The following HCN1 variants were observed in gnomAD, a reference collection of about 807,000 sequenced individuals.
HCN1 encodes the protein potassium/sodium hyperpolarization-activated cyclic nucleotide-gated channel 1.
A neutral mutation model predicts 78.9 loss-of-function variants in HCN1; 13 were observed. The ratio of observed to expected loss-of-function variants is 0.16; its 90% CI spans 0.11 to 0.26. The LOEUF (loss-of-function observed/expected upper bound fraction) is 0.26. HCN1 is among the 10% of genes least tolerant of loss of function. The probability of loss-of-function intolerance (pLI) is 1.00; values close to 1 mark genes in which losing one functional copy is unlikely to be tolerated. For synonymous variants in HCN1, 552 were observed against 455.5 expected (o/e 1.21, Z -2.70); for missense variants, 810 against 1,154.3 (o/e 0.70, Z 4.32).
intron 6 of HCN1, among the ~76,000 whole-genome samples, chr5:45,287,121 T>A (rs1300426908): frequency 6.6e-6 from 1 of 151,448 alleles, no homozygotes; most frequent in African/African-American, 2.4e-5. Flanking sequence ...GTGTATGTGA[T>A]GTGTTTTATA....
rs1172330541 is a variant in HCN1, at chr5:45,689,748, T to G, written c.425+5921A>C. On this transcript the variant is annotated intron_variant, in intron 1 of 7. Transcript: ENST00000303230. ...TGAAGCTCATAGAAAGTTTGTCCAA[T>G]GTAGTCTAACAGTAATGGGAAGTTA... Among the ~76,000 whole-genome samples, 3 of 152,114 alleles carry G rather than the reference T, an allele frequency of 2.0e-5. No homozygotes were observed. In the East Asian group the frequency reaches 5.8e-4, roughly 29 times the overall value.
chr5:45,688,908 C>T (rs1263420167), intron 1 of HCN1, among the ~76,000 whole-genome samples: 5 of 151,984 alleles, frequency 3.3e-5, no homozygotes, highest in African/African-American at 1.2e-4. Context: ...CATGACTTCA[C>T]TGATATAAAA....
At chr5:45,266,314 T>G (rs966181456) in intron 7 of HCN1, among the ~76,000 whole-genome samples, 1 of 151,900 alleles carries the variant, frequency 6.6e-6, no homozygotes, top group African/African-American at 2.4e-5. Context: ...TCTGCTTGAG[T>G]CTATATTACA....
At chr5:45,426,689 T>C (rs1740354440) in intron 3 of HCN1, among the ~76,000 whole-genome samples, 2 of 152,164 alleles carry the variant, frequency 1.3e-5, no homozygotes, top group African/African-American at 2.4e-5. Context: ...TATGTGTTTA[T>C]TAGCAGCATG....
intron 5 of HCN1, among the ~76,000 whole-genome samples, chr5:45,314,383 G>A (rs146998409): frequency 0.018 from 2,698 of 152,180 alleles, 78 homozygotes; most frequent in African/African-American, 0.056. Flanking sequence ...GGAAAGGAAC[G>A]ACCGGTACCA....
Position 45,262,409 on chromosome 5 carries a change from G to A in HCN1, c.2185C>T (p.Leu729Phe), listed in dbSNP as rs1438575744. The change falls in exon 8 of 8, where the codon CTC (leucine) becomes TTC (phenylalanine). Residue 729 changes from leucine (L) to phenylalanine (F), a missense_variant. By Grantham distance (22) the Leu-to-Phe change is conservative. Transcript: ENST00000303230. ...YASPTASQLS[L>F]MQQQPQQQVQ... ...TGCTGCTGCGGCTGCTGTTGCATGAGTGACAGCTGGGAGGCGGTGGGGGAG... is the reference window on the plus strand; with the variant it reads ...TGCTGCTGCGGCTGCTGTTGCATGAATGACAGCTGGGAGGCGGTGGGGGAG... 5.0e-6 allele frequency: 8 copies of A among 1,611,592 alleles called. No individual in the cohort carries two copies. In the South Asian group the frequency reaches 8.8e-5, roughly 18 times the overall value.
chr5:45,274,594 T>C (rs1191872398), intron 6 of HCN1, among the ~76,000 whole-genome samples: 3 of 152,192 alleles, frequency 2.0e-5, no homozygotes, highest in Non-Finnish European at 4.4e-5. Flanking sequence ...CATTTCCTTG[T>C]ATTCTAATTT....
intron 2 of HCN1, among the ~76,000 whole-genome samples, chr5:45,605,780 G>GT (rs1221995206): frequency 1.3e-5 from 2 of 151,848 alleles, no homozygotes; most frequent in Admixed American, 6.6e-5. Flanking sequence ...AAGAGTAGAT[G>GT]TATCACTCTG....
chr5:45,445,033 G>A (rs1385764356), intron 3 of HCN1, among the ~76,000 whole-genome samples: 13 of 152,268 alleles, frequency 8.5e-5, no homozygotes, highest in African/African-American at 2.2e-4. Flanking sequence ...GACAGTGGGC[G>A]CAGGACAGTG....
intron 4 of HCN1, among the ~76,000 whole-genome samples, chr5:45,386,044 T>C (rs1449531552): frequency 2.0e-5 from 3 of 152,198 alleles, no homozygotes; most frequent in African/African-American, 7.2e-5. Context: ...ACCAGAGTCT[T>C]ATCTAAATCA....
intron 3 of HCN1, among the ~76,000 whole-genome samples, chr5:45,451,702 GA>G (rs1406076867): frequency 6.6e-6 from 1 of 151,510 alleles, no homozygotes; most frequent in African/African-American, 2.4e-5. Flanking sequence ...CTGACCTTAG[GA>G]AAAACACAAC....
chr5:45,615,272 T>G (rs534986874), intron 2 of HCN1, among the ~76,000 whole-genome samples: 5 of 152,176 alleles, frequency 3.3e-5, no homozygotes, highest in African/African-American at 9.6e-5. Context: ...TAGTGAATCA[T>G]GATCTTTTGG....
chr5:45,665,075 TA>T (rs1318140709), intron 1 of HCN1, among the ~76,000 whole-genome samples: 2 of 151,090 alleles, frequency 1.3e-5, no homozygotes, highest in African/African-American at 4.9e-5. Flanking sequence ...TAGACTGGAT[TA>T]AGAAAATGTG....
At chr5:45,682,759 G>A (rs1011571476) in intron 1 of HCN1, among the ~76,000 whole-genome samples, 3 of 151,730 alleles carry the variant, frequency 2.0e-5, no homozygotes, top group Non-Finnish European at 4.4e-5. Flanking sequence ...ATTGTGACAT[G>A]TTCTATGAAA....
At chr5:45,382,558 C>G (rs1747831498) in intron 4 of HCN1, among the ~76,000 whole-genome samples, 2 of 152,086 alleles carry the variant, frequency 1.3e-5, no homozygotes, top group Admixed American at 6.6e-5. Flanking sequence ...TTTTGACTTA[C>G]TTATTAATTG....
At chr5:45,268,812 A>G (rs1213050071) in intron 6 of HCN1, among the ~76,000 whole-genome samples, 1 of 152,202 alleles carries the variant, frequency 6.6e-6, no homozygotes, top group Non-Finnish European at 1.5e-5. Flanking sequence ...GTGTAGGAAA[A>G]TAAATCTATT....
At position 45,260,076 on chromosome 5, in the gene HCN1, A is replaced by G. The variant is rs1483791740; in HGVS notation, c.*1845T>C. ...AACAACTCATTTTGGTATTATAGGT[A>G]TTATATCCACAAAAGGCATAACAGG... is the stretch of plus-strand genomic sequence containing the variant. On this transcript the variant is annotated 3_prime_UTR_variant, in exon 8 of 8. Transcript: ENST00000303230. 2.6e-5 allele frequency: 4 copies of G among 152,318 alleles called. No individual in the cohort carries two copies. The highest frequency in any genetic ancestry group is 9.7e-5 in the African/African-American group (4 of 41,442). 9.4% of individuals were successfully genotyped at this position (152,318 alleles called of 1,614,324 possible).
intron 6 of HCN1, among the ~76,000 whole-genome samples, chr5:45,278,566 A>G (rs1038954632): frequency 6.6e-6 from 1 of 152,146 alleles, no homozygotes; most frequent in African/African-American, 2.4e-5. Context: ...AGTAATAATT[A>G]CAATCATAAA....
At chr5:45,634,139 G>A (rs987648928) in intron 2 of HCN1, among the ~76,000 whole-genome samples, 1 of 151,790 alleles carries the variant, frequency 6.6e-6, no homozygotes, top group South Asian at 2.1e-4. Flanking sequence ...TTTCTCCTCT[G>A]CCAGTCAATC....
Sources: gnomAD v4.1 joint callset for allele counts (sites outside exome capture counted in the v4.1 genomes callset) on GRCh38, gnomAD v4.1.1 for gene constraint, MANE v1.5 for transcripts, NCBI Gene and HGNC (gene_info 2026-07-23, HGNC 2026-07-21) for gene names.